CTNND2: variants seen among roughly 807,000 people sequenced by gnomAD.
CTNND2 encodes the protein catenin delta-2.
In CTNND2, 22 loss-of-function variants were observed where a neutral mutation model predicts 144.4. The ratio of observed to expected loss-of-function variants is 0.15; its 90% CI spans 0.11 to 0.22. The LOEUF (loss-of-function observed/expected upper bound fraction) is 0.22. CTNND2 is among the 10% of genes least tolerant of loss of function. CTNND2 has a pLI of 1.00. For synonymous variants in CTNND2, 751 were observed against 695.6 expected, an observed-to-expected ratio of 1.08 and a Z score of -1.25; for missense variants, 1,353 against 1,618.8, an observed-to-expected ratio of 0.84 and a Z score of 2.82.
intron 11 of CTNND2, among the ~76,000 whole-genome samples, chr5:11,169,084 C>T (rs549299768): frequency 7.9e-5 from 12 of 152,242 alleles, no homozygotes; most frequent in African/African-American, 2.4e-4. Flanking sequence ...TAATAGTTTG[C>T]TCATCATGAC....
intron 2 of CTNND2, among the ~76,000 whole-genome samples, chr5:11,696,097 T>C (rs1367112328): frequency 6.6e-6 from 1 of 152,236 alleles, no homozygotes. Context: ...ACACTCTTTC[T>C]GCAAGGGGCC....
chr5:11,785,034 C>A (rs1417124049), intron 1 of CTNND2, among the ~76,000 whole-genome samples: 2 of 152,200 alleles, frequency 1.3e-5, no homozygotes, highest in African/African-American at 4.8e-5. Flanking sequence ...GTTCTTGCAA[C>A]TTGACTATAC....
chr5:11,294,999 A>T (rs568896458), intron 9 of CTNND2, among the ~76,000 whole-genome samples: 3 of 152,222 alleles, frequency 2.0e-5, no homozygotes, highest in Non-Finnish European at 4.4e-5. Flanking sequence ...AGGCAGGAGA[A>T]GGAAATAAAG....
At chr5:11,238,019 A>G (rs1715778785) in intron 9 of CTNND2, among the ~76,000 whole-genome samples, 1 of 152,202 alleles carries the variant, frequency 6.6e-6, no homozygotes, top group South Asian at 2.1e-4. Flanking sequence ...CCTCCTTTTT[A>G]CATCTGAGCT....
At chr5:11,453,695 C>A (rs1246029733) in intron 3 of CTNND2, among the ~76,000 whole-genome samples, 7 of 152,034 alleles carry the variant, frequency 4.6e-5, no homozygotes, top group South Asian at 2.1e-4. Context: ...AAAAAGAAAA[C>A]CCTTATTCAA....
chr5:11,446,959 T>C (rs956276689), intron 3 of CTNND2, among the ~76,000 whole-genome samples: 2 of 152,184 alleles, frequency 1.3e-5, no homozygotes, highest in Admixed American at 1.3e-4. Context: ...TGGTGTCTCT[T>C]CTTCCCTATC....
At chr5:11,038,341 C>T (rs1470556464) in intron 16 of CTNND2, among the ~76,000 whole-genome samples, 2 of 152,202 alleles carry the variant, frequency 1.3e-5, no homozygotes, top group Non-Finnish European at 2.9e-5. Flanking sequence ...TAGATTCTTA[C>T]AGGAGTGTGA....
chr5:11,351,991 A>C (rs1417158477), intron 8 of CTNND2, among the ~76,000 whole-genome samples: 1 of 152,232 alleles, frequency 6.6e-6, no homozygotes, highest in Non-Finnish European at 1.5e-5. Flanking sequence ...GCATATATCC[A>C]AGAGTGTCAT....
At chr5:11,465,043 C>G (rs1318964987) in intron 3 of CTNND2, among the ~76,000 whole-genome samples, 6 of 152,174 alleles carry the variant, frequency 3.9e-5, no homozygotes. Flanking sequence ...TCCCCTCCCC[C>G]TAGCCCAAGA....
intron 2 of CTNND2, among the ~76,000 whole-genome samples, chr5:11,711,102 G>C (rs2126692905): frequency 6.6e-6 from 1 of 151,506 alleles, no homozygotes; most frequent in East Asian, 2.0e-4. Flanking sequence ...GTCTCACTCT[G>C]TCGCCCAGGC....
chr5:11,737,041 A>G (rs1561747415), intron 1 of CTNND2, among the ~76,000 whole-genome samples: 1 of 152,120 alleles, frequency 6.6e-6, no homozygotes, highest in Non-Finnish European at 1.5e-5. Flanking sequence ...TTTATATGTG[A>G]TTTTTACCCC....
chr5:11,600,705 CAAAAA>C (rs755277116), intron 2 of CTNND2, among the ~76,000 whole-genome samples: 1 of 80,606 alleles, frequency 1.2e-5, no homozygotes, highest in Admixed American at 1.5e-4. Context: ...GATTCTGTCT[CAAAAA>C]AAAAAAAAAA....
chr5:11,896,650 C>T (rs2126324201), intron 1 of CTNND2, among the ~76,000 whole-genome samples: 1 of 152,094 alleles, frequency 6.6e-6, no homozygotes, highest in East Asian at 1.9e-4. Flanking sequence ...ATATATTAAA[C>T]TATGATATAT....
At chr5:11,485,370 TGTGTGCGCGCGCGCGC>T (rs1389193336) in intron 3 of CTNND2, among the ~76,000 whole-genome samples, 4 of 126,584 alleles carry the variant, frequency 3.2e-5, no homozygotes, top group South Asian at 3.0e-4. Flanking sequence ...TGTGTGTGTG[TGTGTGCGCGCGCGCGC>T]GTGCGCGCGC....
At position 11,343,436 on chromosome 5, in the gene CTNND2, G is replaced by A. The variant is rs61750714; in HGVS notation, c.1628+2936C>T. 1.2e-3 allele frequency among the ~76,000 whole-genome samples: 176 copies of A among 152,174 alleles called. 3 individuals carry two copies. Among genetic ancestry groups the A allele is most frequent in the African/African-American group, 4.1e-3 (169 of 41,524 alleles). ...AAGACCACACATCCAATAAGCAATCGATCAGGGATGCCAGAACTACTTAGA... is the reference window on the plus strand; with the variant it reads ...AAGACCACACATCCAATAAGCAATCAATCAGGGATGCCAGAACTACTTAGA... On this transcript the variant is annotated intron_variant, in intron 9 of 21. Coordinates refer to ENST00000304623, the MANE Select transcript of CTNND2 (RefSeq NM_001332.4).
At chr5:11,273,614 G>A (rs1229174187) in intron 9 of CTNND2, among the ~76,000 whole-genome samples, 1 of 152,188 alleles carries the variant, frequency 6.6e-6, no homozygotes, top group East Asian at 1.9e-4. Context: ...GTGCAGCTCT[G>A]CAGCGGGAGA....
At chr5:10,994,311 GAA>G (rs1739056589) in intron 18 of CTNND2, among the ~76,000 whole-genome samples, 1 of 40,970 alleles carries the variant, frequency 2.4e-5, no homozygotes, top group Admixed American at 2.2e-4. Context: ...GGGGACGGAG[GAA>G]GGGGGCGGGG....
At chr5:11,411,058 G>A (rs1464669485) in intron 5 of CTNND2, among the ~76,000 whole-genome samples, 2 of 151,924 alleles carry the variant, frequency 1.3e-5, no homozygotes, top group African/African-American at 4.8e-5. Context: ...AGTTTTAGTA[G>A]AGATGGGGTG....
intron 3 of CTNND2, among the ~76,000 whole-genome samples, chr5:11,451,744 C>T (rs547947860): frequency 1.3e-4 from 20 of 152,278 alleles, no homozygotes; most frequent in Admixed American, 7.2e-4. Flanking sequence ...ATAATTCGCA[C>T]GTTCAAGATC....
Sources: allele counts gnomAD v4.1 joint callset (sites outside exome capture counted in the v4.1 genomes callset), GRCh38; gene constraint gnomAD v4.1.1; transcripts MANE v1.5; gene names NCBI Gene and HGNC (gene_info 2026-07-23, HGNC 2026-07-21).